Variants in BRINP3 observed in about 807,000 individuals in gnomAD.
BRINP3 encodes BMP/retinoic acid inducible neural specific 3.
BRINP3 carries 19 observed loss-of-function variants against 71.0 expected under a neutral mutation model. The ratio of observed to expected loss-of-function variants is 0.27; its 90% CI spans 0.19 to 0.39. BRINP3 has a LOEUF of 0.39. Ranked by LOEUF, BRINP3 falls within the 10% of genes least tolerant of loss-of-function variation. BRINP3 has a pLI of 1.00. For synonymous variants in BRINP3, 380 were observed against 337.7 expected (o/e 1.13, Z -1.37); for missense variants, 959 against 940.8 (o/e 1.02, Z -0.25).
intron 2 of BRINP3, among the ~76,000 whole-genome samples, chr1:190,310,299 T>C (rs1490833723): frequency 6.6e-6 from 1 of 151,706 alleles, no homozygotes. Flanking sequence ...TTTTAACAGC[T>C]CATATTCATG....
intron 4 of BRINP3, among the ~76,000 whole-genome samples, chr1:190,247,237 T>A (rs1659695639): frequency 1.3e-5 from 2 of 151,840 alleles, no homozygotes; most frequent in Non-Finnish European, 2.9e-5. Context: ...AGTATGAAGC[T>A]CCTGAGCCTC....
chr1:190,358,052 A>G (rs1668858707), intron 2 of BRINP3, among the ~76,000 whole-genome samples: 1 of 152,206 alleles, frequency 6.6e-6, no homozygotes, highest in Non-Finnish European at 1.5e-5. Context: ...AAAACCATAA[A>G]AACCCTAGAA....
intron 2 of BRINP3, among the ~76,000 whole-genome samples, chr1:190,354,762 C>T (rs2102069566): frequency 6.7e-6 from 1 of 149,296 alleles, no homozygotes; most frequent in South Asian, 2.1e-4. Flanking sequence ...CTTAAAAGGT[C>T]TTCTAAGTGT....
chr1:190,226,012 G>T, intron 6 of BRINP3, 70 bp downstream of exon 6: 1 of 1,034,002 alleles, frequency 9.7e-7, no homozygotes, highest in Non-Finnish European at 1.4e-6. Flanking sequence ...TCTTGAAAAA[G>T]GACAAATTAG....
chr1:190,347,802 T>G (rs1668122296), intron 2 of BRINP3, among the ~76,000 whole-genome samples: 1 of 152,140 alleles, frequency 6.6e-6, no homozygotes, highest in Non-Finnish European at 1.5e-5. Context: ...TTGCTTTATT[T>G]CTTTTCTGTT....
chr1:190,195,142 A>G (rs954171192), intron 6 of BRINP3, among the ~76,000 whole-genome samples: 4 of 152,050 alleles, frequency 2.6e-5, no homozygotes, highest in Admixed American at 2.0e-4. Flanking sequence ...ATGCAATCAC[A>G]AGTAAATATA....
At chr1:190,163,458 T>G (rs1651197800) in intron 6 of BRINP3, among the ~76,000 whole-genome samples, 1 of 151,966 alleles carries the variant, frequency 6.6e-6, no homozygotes, top group South Asian at 2.1e-4. Flanking sequence ...ATGTATCAAG[T>G]GAGTACTTTT....
chr1:190,301,200 CAT>C (rs1205544792), intron 2 of BRINP3, among the ~76,000 whole-genome samples: 67 of 87,816 alleles, frequency 7.6e-4, no homozygotes, highest in African/African-American at 3.3e-3. Context: ...TATATATACA[CAT>C]ACATATATAT....
intron 4 of BRINP3, among the ~76,000 whole-genome samples, chr1:190,244,663 A>T (rs1411856061): frequency 6.6e-6 from 1 of 152,116 alleles, no homozygotes; most frequent in Non-Finnish European, 1.5e-5. Flanking sequence ...CAGTCTTTCC[A>T]TAAGATTCTC....
At position 190,098,943 on chromosome 1, in the gene BRINP3, C is replaced by G. The variant is rs776492382; in HGVS notation, c.1376G>C (p.Arg459Pro). ...CLTCAPDNRTRCGTCNTGYML... is the reference protein window; with the variant it reads ...CLTCAPDNRTPCGTCNTGYML... ...GTAGCCGGTGTTGCAGGTGCCGCAG[C>G]GGGTGCGGTTGTCTGGTGCGCATGT... Residue 459 changes from arginine to proline, a missense_variant, in exon 8 of 8, where the codon CGC becomes CCC. Arg to Pro is a moderately radical substitution (Grantham distance 103, BLOSUM62 -2). Coordinates refer to ENST00000367462, the MANE Select transcript of BRINP3 (RefSeq NM_199051.3). 1 of 1,614,096 alleles carries G rather than the reference C, an allele frequency of 6.2e-7. No homozygotes were observed. The highest frequency in any genetic ancestry group is 2.2e-5 in the East Asian group (1 of 44,860).
chr1:190,437,190 G>A (rs1674523334), intron 2 of BRINP3, among the ~76,000 whole-genome samples: 1 of 151,544 alleles, frequency 6.6e-6, no homozygotes, highest in South Asian at 2.1e-4. Flanking sequence ...AATTTTACTT[G>A]TGAAAATACC....
intron 1 of BRINP3, among the ~76,000 whole-genome samples, chr1:190,467,647 A>G (rs1227628085): frequency 6.6e-6 from 1 of 151,490 alleles, no homozygotes; most frequent in Non-Finnish European, 1.5e-5. Context: ...CTTTCTTACA[A>G]TAAGCATCTA....
intron 7 of BRINP3, among the ~76,000 whole-genome samples, chr1:190,152,256 T>C (rs1185474200): frequency 6.6e-6 from 1 of 152,028 alleles, no homozygotes; most frequent in Non-Finnish European, 1.5e-5. Context: ...TTTAAATATA[T>C]TTTTTGTTAA....
At chr1:190,164,516 C>T (rs1266686785) in intron 6 of BRINP3, among the ~76,000 whole-genome samples, 5 of 151,986 alleles carry the variant, frequency 3.3e-5, no homozygotes, top group Non-Finnish European at 5.9e-5. Context: ...ATTGTGAATA[C>T]ATATAAAATA....
chr1:190,352,940 A>G lies in BRINP3; in HGVS notation c.237-71190T>C, dbSNP rs549053348. ...CTATGAAAGTTAGAATTGTGTCTGTATACTATTTTCTGTAACATACAGAGC... is the reference window on the plus strand; with the variant it reads ...CTATGAAAGTTAGAATTGTGTCTGTGTACTATTTTCTGTAACATACAGAGC... On this transcript the variant is annotated intron_variant, in intron 2 of 7. Transcript: ENST00000367462. Among the ~76,000 whole-genome samples the G allele has an allele frequency of 9.9e-5, 15 of 151,698 alleles. 1 individual carries two copies. The East Asian group carries it at 2.3e-3, about 24-fold the overall frequency.
At chr1:190,147,253 A>G (rs972521174) in intron 7 of BRINP3, among the ~76,000 whole-genome samples, 2 of 152,130 alleles carry the variant, frequency 1.3e-5, no homozygotes, top group African/African-American at 2.4e-5. Context: ...TTTTCAAATT[A>G]TGTAGATTCA....
At chr1:190,439,411 A>C (rs1254250615) in intron 2 of BRINP3, among the ~76,000 whole-genome samples, 1 of 151,976 alleles carries the variant, frequency 6.6e-6, no homozygotes, top group Non-Finnish European at 1.5e-5. Flanking sequence ...AAAGCGTGGC[A>C]TAAGACTATT....
chr1:190,309,352 C>T (rs1665356214), intron 2 of BRINP3, among the ~76,000 whole-genome samples: 1 of 151,630 alleles, frequency 6.6e-6, no homozygotes, highest in Non-Finnish European at 1.5e-5. Context: ...TGAAGGTGAA[C>T]AGATTTCTGA....
chr1:190,229,177 T>C (rs2102714579), intron 5 of BRINP3, among the ~76,000 whole-genome samples: 1 of 152,060 alleles, frequency 6.6e-6, no homozygotes, highest in South Asian at 2.1e-4. Context: ...TGGCTCTGTG[T>C]CCCCCACAAA....
Sources: allele counts gnomAD v4.1 joint callset (sites outside exome capture counted in the v4.1 genomes callset), GRCh38; gene constraint gnomAD v4.1.1; transcripts MANE v1.5; gene names NCBI Gene and HGNC (gene_info 2026-07-23, HGNC 2026-07-21).